The following PPM1E variants were observed in gnomAD, a reference collection of about 807,000 sequenced individuals.
PPM1E encodes protein phosphatase, Mg2+/Mn2+ dependent 1E.
Under a neutral mutation model 65.9 loss-of-function variants are expected in PPM1E, and 20 were observed. The ratio of observed to expected loss-of-function variants is 0.30; its 90% CI spans 0.21 to 0.44. The LOEUF is 0.44. PPM1E is among the 20% of genes least tolerant of loss of function. PPM1E has a pLI of 1.00. For synonymous variants in PPM1E, 352 were observed against 374.9 expected (o/e 0.94, Z 0.70); for missense variants, 713 against 953.1 (o/e 0.75, Z 3.32).
chr17:58,888,489 G>A (rs754648176), intron 1 of PPM1E, among the ~76,000 whole-genome samples: 14 of 148,782 alleles, frequency 9.4e-5, no homozygotes, highest in African/African-American at 2.7e-4. Flanking sequence ...TCAGCCTCCC[G>A]AGTAGCTGGG....
intron 1 of PPM1E, among the ~76,000 whole-genome samples, chr17:58,795,538 A>G (rs1416651674): frequency 6.6e-6 from 1 of 152,088 alleles, no homozygotes; most frequent in Non-Finnish European, 1.5e-5. Flanking sequence ...CCCTGTCTCT[A>G]CAAAAAAATC....
At chr17:58,781,817 T>C (rs1271522356) in intron 1 of PPM1E, among the ~76,000 whole-genome samples, 1 of 151,442 alleles carries the variant, frequency 6.6e-6, no homozygotes, top group Non-Finnish European at 1.5e-5. Flanking sequence ...ACACAGTAGG[T>C]AGAGGTTGCA....
intron 1 of PPM1E, among the ~76,000 whole-genome samples, chr17:58,941,799 G>T (rs916547461): frequency 6.6e-6 from 1 of 150,632 alleles, no homozygotes; most frequent in African/African-American, 2.4e-5. Context: ...GAGGTCAGGA[G>T]TTCGAGTCCA....
At chr17:58,933,582 G>A (rs908342433) in intron 1 of PPM1E, among the ~76,000 whole-genome samples, 4 of 151,994 alleles carry the variant, frequency 2.6e-5, no homozygotes, top group Non-Finnish European at 4.4e-5. Context: ...GATCACCTGA[G>A]ATCAGGAGTT....
At chr17:58,850,976 C>A (rs921658801) in intron 1 of PPM1E, among the ~76,000 whole-genome samples, 3 of 152,120 alleles carry the variant, frequency 2.0e-5, no homozygotes, top group African/African-American at 7.2e-5. Flanking sequence ...TTGTTCATTT[C>A]TTTTTACTTT....
At chr17:58,810,433 C>T (rs971165741) in intron 1 of PPM1E, among the ~76,000 whole-genome samples, 12 of 152,092 alleles carry the variant, frequency 7.9e-5, no homozygotes, top group African/African-American at 2.9e-4. Context: ...TCTCAATCTC[C>T]TGACCTTGTG....
intron 1 of PPM1E, among the ~76,000 whole-genome samples, chr17:58,799,534 C>G (rs2050239319): frequency 6.6e-6 from 1 of 152,194 alleles, no homozygotes; most frequent in Admixed American, 6.5e-5. Context: ...CTTCTGCCTC[C>G]TGGGCTCAAG....
At chr17:58,860,330 A>G (rs1455818356) in intron 1 of PPM1E, among the ~76,000 whole-genome samples, 1 of 152,178 alleles carries the variant, frequency 6.6e-6, no homozygotes, top group Non-Finnish European at 1.5e-5. Flanking sequence ...GTCCATTTGG[A>G]GCTAGCCAGT....
intron 1 of PPM1E, among the ~76,000 whole-genome samples, chr17:58,816,773 TATATATATATATATATATATA>T (rs1472067307): frequency 0.09 from 1,617 of 17,980 alleles, 36 homozygotes; most frequent in African/African-American, 0.2. Flanking sequence ...TATATATATA[TATATATATATATATATATATA>T]TTTTTTTTTT....
chr17:58,838,317 CACTT>C (rs2050683636), intron 1 of PPM1E, among the ~76,000 whole-genome samples: 1 of 152,134 alleles, frequency 6.6e-6, no homozygotes, highest in African/African-American at 2.4e-5. Flanking sequence ...ATACAAAAAA[CACTT>C]ACAATTCAAC....
rs2031276029 is a variant in PPM1E at position 58,980,173 on chromosome 17, A to G, written c.1410A>G (p.Ala470=). Residue 470 remains alanine, a synonymous_variant, in exon 7 of 7, where the codon GCA becomes GCG. Transcript: ENST00000308249. This position sits in a 1 kb window ranked among gnomAD's most constrained non-coding sequence, Gnocchi z 4.7. ...GCATGGTTGCCCACAAATTAGTGGCATCAGCTCGTGATGCTGGGTCAAGTG... is the reference window on the plus strand; with the variant it reads ...GCATGGTTGCCCACAAATTAGTGGCGTCAGCTCGTGATGCTGGGTCAAGTG... ...DSSMVAHKLV[A]SARDAGSSDN... The G allele has an allele frequency of 6.2e-7, 1 of 1,614,070 alleles. No homozygotes were observed. The highest frequency in any genetic ancestry group is 1.3e-5 in the African/African-American group (1 of 74,940).
In PPM1E at chr17:58,983,602, T is replaced by G. The variant is rs753707357; in HGVS notation, c.*2571T>G. 6.6e-6 allele frequency: 1 copy of G among 152,668 alleles called. No individual in the cohort carries two copies. Among genetic ancestry groups the G allele is most frequent in the Non-Finnish European group, 1.5e-5 (1 of 68,052 alleles). 9.5% of individuals were successfully genotyped at this position (152,668 alleles called of 1,614,324 possible). A position where few individuals can be genotyped will look rare whatever the true frequency, so the allele number is the denominator to read the frequency against. On this transcript the variant is annotated 3_prime_UTR_variant, in exon 7 of 7. Coordinates refer to ENST00000308249, the MANE Select transcript of PPM1E (RefSeq NM_014906.5). ...ATTTAATGATGGTGTACCTGGTGAT[T>G]GTAAAAATATTAGACAGATATAAAA...
At chr17:58,926,336 TAA>T (rs61085833) in intron 1 of PPM1E, among the ~76,000 whole-genome samples, 27 of 136,580 alleles carry the variant, frequency 2.0e-4, no homozygotes, top group Non-Finnish European at 2.6e-4. Context: ...TTGTCTAAAT[TAA>T]AAAAAAAAAA....
intron 3 of PPM1E, among the ~76,000 whole-genome samples, chr17:58,967,515 TATATAGAG>T (rs1002228257): frequency 3.1e-4 from 46 of 149,106 alleles, no homozygotes; most frequent in African/African-American, 1.1e-3. Flanking sequence ...TATATATATA[TATATAGAG>T]AGAGAGAGAG....
At chr17:58,918,011 A>G (rs906337803) in intron 1 of PPM1E, among the ~76,000 whole-genome samples, 8 of 152,178 alleles carry the variant, frequency 5.3e-5, no homozygotes, top group African/African-American at 1.9e-4. Context: ...TCAGTATTAA[A>G]AGTCAGGCTG....
chr17:58,979,553 G>A (rs1032254333), intron 6 of PPM1E, among the ~76,000 whole-genome samples: 1 of 152,174 alleles, frequency 6.6e-6, no homozygotes, highest in African/African-American at 2.4e-5. Flanking sequence ...TTTCAATGTG[G>A]GCTTGTTTTC....
chr17:58,933,664 C>T (rs1399562659), intron 1 of PPM1E, among the ~76,000 whole-genome samples: 15 of 151,504 alleles, frequency 9.9e-5, no homozygotes, highest in African/African-American at 9.7e-5. Context: ...GGCATGGTGG[C>T]GGGCGCCAGT....
chr17:58,845,509 C>G (rs1346165199), intron 1 of PPM1E, among the ~76,000 whole-genome samples: 1 of 152,068 alleles, frequency 6.6e-6, no homozygotes, highest in Non-Finnish European at 1.5e-5. Context: ...CCTTCCTCCT[C>G]TTAGCCCCTG....
At chr17:58,826,544 T>A (rs1044161629) in intron 1 of PPM1E, among the ~76,000 whole-genome samples, 2 of 152,222 alleles carry the variant, frequency 1.3e-5, no homozygotes, top group African/African-American at 4.8e-5. Context: ...AAATTGTTGC[T>A]TAATATATCA....
Sources: gnomAD v4.1 joint callset for allele counts (sites outside exome capture counted in the v4.1 genomes callset) on GRCh38, gnomAD v4.1.1 for gene constraint, Gnocchi (gnomAD v3.1) non-coding constraint, MANE v1.5 for transcripts, NCBI Gene and HGNC (gene_info 2026-07-23, HGNC 2026-07-21) for gene names.